KLF12: variants seen among roughly 807,000 people sequenced by gnomAD.
KLF12 encodes Krueppel-like factor 12.
In KLF12, 9 loss-of-function variants were observed where a neutral mutation model predicts 37.8. That is an observed-to-expected ratio of 0.24 (90% CI 0.14 to 0.42). KLF12 has a LOEUF of 0.42. Among genes scored for constraint, KLF12 ranks in the 10% least tolerant of loss-of-function variants. The pLI is 1.00. For missense variants in KLF12, 411 were observed against 516.0 expected (o/e 0.80, Z 1.97); for synonymous variants, 208 against 202.1 (o/e 1.03, Z -0.25).
intron 1 of KLF12, among the ~76,000 whole-genome samples, chr13:74,060,484 T>TTGCG: frequency 9.2e-6 from 1 of 108,628 alleles, no homozygotes; most frequent in Non-Finnish European, 1.9e-5. Context: ...TACCTAGGTT[T>TTGCG]TGTGTGTGTG....
chr13:74,122,614 C>A (rs1877695861), intron 1 of KLF12, among the ~76,000 whole-genome samples: 1 of 151,928 alleles, frequency 6.6e-6, no homozygotes. Context: ...TTAAAAGCGA[C>A]AAAAACTGGA....
chr13:74,080,070 A>G (rs944037349), intron 1 of KLF12, among the ~76,000 whole-genome samples: 1 of 152,056 alleles, frequency 6.6e-6, no homozygotes, highest in Non-Finnish European at 1.5e-5. Context: ...ACATGCTACA[A>G]CATGGAGGAA....
At chr13:74,174,620 C>T in the KLF12 span, among the ~76,000 whole-genome samples, 1 of 152,096 alleles carries the variant, frequency 6.6e-6, no homozygotes, top group Non-Finnish European at 1.5e-5. Flanking sequence ...TGCCCCTAAG[C>T]CCGATGTCTC....
intron 1 of KLF12, among the ~76,000 whole-genome samples, chr13:74,112,581 T>C (rs1877046260): frequency 6.6e-6 from 1 of 152,170 alleles, no homozygotes; most frequent in Admixed American, 6.6e-5. Context: ...CCTGTGATCT[T>C]TGATGTTACT....
intron 3 of KLF12, among the ~76,000 whole-genome samples, chr13:73,868,324 C>CGG (rs1886284587): frequency 2.8e-3 from 2 of 718 alleles, no homozygotes; most frequent in Non-Finnish European, 7.0e-3. Flanking sequence ...AAGGCGGGGG[C>CGG]GGTGGGGGGG....
At chr13:74,001,518 T>G (rs1244534108) in intron 1 of KLF12, among the ~76,000 whole-genome samples, 2 of 152,244 alleles carry the variant, frequency 1.3e-5, no homozygotes, top group African/African-American at 4.8e-5. Flanking sequence ...ACTAGAGATC[T>G]ATGACACAAT....
At chr13:73,710,849 C>T (rs1451485413) in intron 7 of KLF12, among the ~76,000 whole-genome samples, 2 of 152,270 alleles carry the variant, frequency 1.3e-5, no homozygotes, top group South Asian at 2.1e-4. Flanking sequence ...TTATGCTTAG[C>T]GAGTCAGGCA....
At chr13:74,256,688 TTGTGTG>T in the KLF12 span, among the ~76,000 whole-genome samples, 16 of 147,906 alleles carry the variant, frequency 1.1e-4, no homozygotes, top group South Asian at 4.4e-4. Flanking sequence ...TGAGTAGAGC[TTGTGTG>T]TGTGTGTGTG....
At chr13:74,138,138 G>A (rs1323842620), upstream of KLF12, among the ~76,000 whole-genome samples, 1 of 152,184 alleles carries the variant, frequency 6.6e-6, no homozygotes, top group East Asian at 1.9e-4. Context: ...CAATATCTGT[G>A]TACATTTAGA....
At chr13:74,057,373 G>A (rs1873305172) in intron 1 of KLF12, among the ~76,000 whole-genome samples, 1 of 152,154 alleles carries the variant, frequency 6.6e-6, no homozygotes, top group Admixed American at 6.5e-5. Context: ...GGGACCGAGA[G>A]GGAACTGTGA....
Position 73,867,907 on chromosome 13 carries a change from G to A in KLF12, c.124-21534C>T, listed in dbSNP as rs867112658. ...ATGGTGGCGGGTGCCTGTAATCCCA[G>A]CTACTTGAGAGGTTGAGGCAGGAGA... On this transcript the variant is annotated intron_variant, in intron 3 of 7. Transcript: ENST00000377669. Among the ~76,000 whole-genome samples the A allele has an allele frequency of 7.9e-5, 12 of 151,930 alleles. No homozygotes were observed. The Middle Eastern group carries it at 0.017, about 217-fold the overall frequency.
intron 3 of KLF12, among the ~76,000 whole-genome samples, chr13:73,902,940 G>C (rs1888103245): frequency 6.6e-6 from 1 of 152,164 alleles, no homozygotes; most frequent in African/African-American, 2.4e-5. Context: ...ATTTCTTTTG[G>C]AGAACTGCTG....
chr13:74,150,298 G>A, the KLF12 span, among the ~76,000 whole-genome samples: 1 of 152,146 alleles, frequency 6.6e-6, no homozygotes, highest in Non-Finnish European at 1.5e-5. Flanking sequence ...CTCATCAATG[G>A]AGCATTAGTA....
the KLF12 span, among the ~76,000 whole-genome samples, chr13:74,170,215 A>G: frequency 1.3e-5 from 2 of 152,228 alleles, no homozygotes; most frequent in Admixed American, 1.3e-4. Context: ...AGAGTATATT[A>G]TAAAAATGGT....
At chr13:73,878,508 GT>G (rs1298966243) in intron 3 of KLF12, among the ~76,000 whole-genome samples, 2 of 152,142 alleles carry the variant, frequency 1.3e-5, no homozygotes, top group Non-Finnish European at 2.9e-5. Flanking sequence ...TATTTTTGAC[GT>G]GGGAATTTGT....
chr13:73,756,430 C>G (rs2325556), intron 6 of KLF12, among the ~76,000 whole-genome samples: 133,156 of 152,128 alleles, frequency 0.88, 58,292 homozygotes, highest in East Asian at 0.92. Flanking sequence ...AAGGAGAATG[C>G]TGTCTATTTT....
At chr13:73,954,871 A>T (rs529729330) in intron 2 of KLF12, among the ~76,000 whole-genome samples, 64 of 152,320 alleles carry the variant, frequency 4.2e-4, no homozygotes, top group African/African-American at 1.3e-3. Flanking sequence ...TTTATTGGCA[A>T]TGCTGTTAAA....
the KLF12 span, among the ~76,000 whole-genome samples, chr13:74,214,593 G>A: frequency 2.0e-5 from 3 of 151,878 alleles, no homozygotes; most frequent in South Asian, 6.2e-4. Context: ...CATTATCATC[G>A]TCTATCTTCA....
chr13:73,799,998 T>C (rs2138335576), intron 5 of KLF12: 1 of 152,278 alleles, frequency 6.6e-6, no homozygotes, highest in East Asian at 1.9e-4. Context: ...ATTTGTGTTT[T>C]GTCACTATCG....
Sources: allele counts gnomAD v4.1 joint callset (sites outside exome capture counted in the v4.1 genomes callset), GRCh38; gene constraint gnomAD v4.1.1; transcripts MANE v1.5; gene names NCBI Gene and HGNC (gene_info 2026-07-23, HGNC 2026-07-21).